SUSD5: variants seen among roughly 807,000 people sequenced by gnomAD.
SUSD5 encodes sushi domain-containing protein 5.
In SUSD5, 33 loss-of-function variants were observed where a neutral mutation model predicts 29.5. The ratio of observed to expected loss-of-function variants is 1.12; its 90% CI spans 0.85 to 1.49. The LOEUF (loss-of-function observed/expected upper bound fraction) is 1.49, where lower values mean the gene tolerates loss of function less well. Ranked by LOEUF, SUSD5 falls within the 40% of genes most tolerant of loss-of-function variation. The probability of loss-of-function intolerance (pLI) is 0.00; values close to 1 mark genes in which losing one functional copy is unlikely to be tolerated. For missense variants in SUSD5, 776 were observed against 800.6 expected (o/e 0.97, Z 0.37); for synonymous variants, 308 against 325.3 (o/e 0.95, Z 0.57).
At chr3:33,155,523 G>T (rs374811440) in intron 4 of SUSD5, among the ~76,000 whole-genome samples, 2 of 152,280 alleles carry the variant, frequency 1.3e-5, no homozygotes, top group East Asian at 3.9e-4. Flanking sequence ...TGAACATATG[G>T]ATGCTCCATG....
Position 33,167,981 on chromosome 3 carries a change from G to A in SUSD5, c.598+6905C>T, listed in dbSNP as rs577448844. On this transcript the variant is annotated intron_variant, in intron 4 of 4. Transcript: ENST00000309558. This position sits in a 1 kb window ranked among gnomAD's most constrained non-coding sequence, Gnocchi z 4.1. ...AAGTCTAGGAAATGTAAGCTTTGTG[G>A]CTTCTCCTGGCAAAATGCAGGTCAT... Among the ~76,000 whole-genome samples, 2 of 152,316 alleles carry A rather than the reference G, an allele frequency of 1.3e-5. No individual in the cohort carries two copies. The highest frequency in any genetic ancestry group is 4.1e-4 in the South Asian group (2 of 4,828).
In SUSD5 at chr3:33,204,632, GT is replaced by G. The variant is rs2032181538; in HGVS notation, c.409+3175del. On this transcript the variant is annotated intron_variant, in intron 3 of 4. Coordinates refer to ENST00000309558, the MANE Select transcript of SUSD5 (RefSeq NM_015551.2). The surrounding 1 kb of genome is among the most constrained non-coding windows in gnomAD (Gnocchi z 4.5). Reference sequence around the variant, plus strand: ...CACCACACCCGGCCTGTTTTATTTTGTTTTGTTTTGTTTTGTTTTGTTTTGT... The same window carrying G: ...CACCACACCCGGCCTGTTTTATTTTGTTTGTTTTGTTTTGTTTTGTTTTGT... Among the ~76,000 whole-genome samples, 1 of 20,758 alleles carries G rather than the reference GT, an allele frequency of 4.8e-5. No individual in the cohort carries two copies. The highest frequency in any genetic ancestry group is 1.2e-4 in the Non-Finnish European group (1 of 8,606). 13.6% of individuals were successfully genotyped at this position (20,758 alleles called of 152,430 possible). A position where few individuals can be genotyped will look rare whatever the true frequency, so the allele number is the denominator to read the frequency against.
At chr3:33,211,793 C>T (rs2032328809) in intron 2 of SUSD5, among the ~76,000 whole-genome samples, 1 of 152,182 alleles carries the variant, frequency 6.6e-6, no homozygotes, top group Non-Finnish European at 1.5e-5. Context: ...TTTTTGAGAT[C>T]TTATTAAAAT....
chr3:33,153,899 G>A lies in SUSD5; in HGVS notation c.733C>T (p.Pro245Ser), dbSNP rs758245609. 13 of 1,613,970 alleles carry A rather than the reference G, an allele frequency of 8.1e-6. No homozygotes were observed. The East Asian group carries it at 2.5e-4, about 30-fold the overall frequency. ...RGQGDSSEEA[P>S]KQDRLVSISV... Reference sequence around the variant, plus strand: ...ATGGAGACCAGACGGTCCTGTTTTGGAGCCTCCTCAGAGGAGTCTCCCTGA... The same window carrying A: ...ATGGAGACCAGACGGTCCTGTTTTGAAGCCTCCTCAGAGGAGTCTCCCTGA... The change falls in exon 5 of 5, where the codon CCA (proline) becomes TCA (serine). Residue 245 changes from proline to serine, a missense_variant. By Grantham distance (74) the Pro-to-Ser change is moderately conservative (BLOSUM62 -1). Coordinates refer to ENST00000309558, the MANE Select transcript of SUSD5 (RefSeq NM_015551.2).
At chr3:33,184,659 A>G (rs947445834) in intron 3 of SUSD5, among the ~76,000 whole-genome samples, 2 of 151,866 alleles carry the variant, frequency 1.3e-5, no homozygotes, top group African/African-American at 4.8e-5. Flanking sequence ...TTCTATTGCC[A>G]TATCTTCAAC....
intron 1 of SUSD5, among the ~76,000 whole-genome samples, chr3:33,216,759 T>A (rs1191683510): frequency 6.6e-6 from 1 of 152,136 alleles, no homozygotes; most frequent in Non-Finnish European, 1.5e-5. Flanking sequence ...TTCTTCTTCC[T>A]CCCGTCACCA....
intron 4 of SUSD5, among the ~76,000 whole-genome samples, chr3:33,172,681 T>C (rs1357024993): frequency 6.6e-6 from 1 of 152,280 alleles, no homozygotes; most frequent in Non-Finnish European, 1.5e-5. Context: ...TTTCAGCACT[T>C]GTCCCAGTCT....
chr3:33,218,789 G>A lies in SUSD5; in HGVS notation c.9C>T (p.Ala3=), dbSNP rs767037824. 1.4e-6 allele frequency: 2 copies of A among 1,445,116 alleles called. No homozygotes were observed. The highest frequency in any genetic ancestry group is 1.8e-6 in the Non-Finnish European group (2 of 1,105,088). The allele number at this position is 1,445,116 out of a possible 1,614,324, so 89.5% of individuals were successfully genotyped here. A position where few individuals can be genotyped will look rare whatever the true frequency, so the allele number is the denominator to read the frequency against. Residue 3 remains alanine, a synonymous_variant, in exon 1 of 5, where the codon GCC becomes GCT. Coordinates refer to ENST00000309558, the MANE Select transcript of SUSD5 (RefSeq NM_015551.2). The stretch of plus-strand genomic sequence containing the variant: ...AACGGGCAGGCGGGCTGGGTCCCTC[G>A]GCAGTCATGGTCCGGGAGTGCGCGG... MT[A]EGPSPPARWH... is the part of the protein sequence containing the mutation.
Position 33,218,722 on chromosome 3 carries a change from G to T in SUSD5, c.76C>A (p.Leu26Met). ...ACCGAAAGGCGCGGCAGACCGAGCA[G>T]GAGCAGCGCCGCCGCCCAGAGCCCG... ...LPGLWAAALL[L>M]LGLPRLSVRA... The change falls in exon 1 of 5, where the codon CTG (leucine) becomes ATG (methionine). Residue 26 changes from leucine (L) to methionine (M), a missense_variant. Coordinates refer to ENST00000309558, the MANE Select transcript of SUSD5 (RefSeq NM_015551.2). 4.5e-6 allele frequency: 6 copies of T among 1,343,616 alleles called. No homozygotes were observed. Among genetic ancestry groups the T allele is most frequent in the Non-Finnish European group, 4.8e-6 (5 of 1,052,066 alleles). The allele number at this position is 1,343,616 out of a possible 1,614,324, so 83.2% of individuals were successfully genotyped here.
intron 3 of SUSD5, among the ~76,000 whole-genome samples, chr3:33,193,098 G>A (rs1205672378): frequency 6.6e-6 from 1 of 152,118 alleles, no homozygotes; most frequent in African/African-American, 2.4e-5. Flanking sequence ...GCAAGCAATG[G>A]GGGAGTTGCA....
At chr3:33,165,680 A>T (rs1481766913) in intron 4 of SUSD5, among the ~76,000 whole-genome samples, 1 of 152,246 alleles carries the variant, frequency 6.6e-6, no homozygotes, top group Non-Finnish European at 1.5e-5. Flanking sequence ...GGCTTGCCTA[A>T]AATTTCACCT....
At chr3:33,192,204 G>T (rs2031906847) in intron 3 of SUSD5, among the ~76,000 whole-genome samples, 1 of 150,916 alleles carries the variant, frequency 6.6e-6, no homozygotes, top group South Asian at 2.1e-4. Flanking sequence ...CTTCCAAGTA[G>T]CTGGGACTAC....
intron 3 of SUSD5, among the ~76,000 whole-genome samples, chr3:33,181,243 T>C (rs2031667188): frequency 6.6e-6 from 1 of 152,120 alleles, no homozygotes; most frequent in Non-Finnish European, 1.5e-5. Context: ...TACAGTAACG[T>C]CCTAGGCCTT....
Position 33,204,197 on chromosome 3 carries a change from G to GTA in SUSD5, c.409+3609_409+3610dup, listed in dbSNP as rs1456758634. Among the ~76,000 whole-genome samples the GTA allele has an allele frequency of 2.0e-5, 3 of 152,060 alleles. No homozygotes were observed. The highest frequency in any genetic ancestry group is 1.3e-4 in the Admixed American group (2 of 15,256). On this transcript the variant is annotated intron_variant, in intron 3 of 4. Transcript: ENST00000309558. This position sits in a 1 kb window ranked among gnomAD's most constrained non-coding sequence, Gnocchi z 4.5. ...TACACATATATACATATTTACATAT[G>GTA]TATATATATGTATCTTGCTATGTTG...
At position 33,179,068 on chromosome 3, in the gene SUSD5, G is replaced by A. The variant is rs1449509637; in HGVS notation, c.410-3994C>T. Among the ~76,000 whole-genome samples, 3 of 152,130 alleles carry A rather than the reference G, an allele frequency of 2.0e-5. No individual in the cohort carries two copies. The East Asian group carries it at 5.8e-4, about 29-fold the overall frequency. ...CCACTAGTGAACGCTCTGGGCTTGT[G>A]CTTTCTTTGGAAGGTAATTAGTTAT... On this transcript the variant is annotated intron_variant, in intron 3 of 4. Coordinates refer to ENST00000309558, the MANE Select transcript of SUSD5 (RefSeq NM_015551.2).
At chr3:33,181,530 G>C (rs565136625) in intron 3 of SUSD5, among the ~76,000 whole-genome samples, 87 of 151,788 alleles carry the variant, frequency 5.7e-4, no homozygotes, top group Non-Finnish European at 1.0e-3. Context: ...GTGCCACCCT[G>C]CCTAGATATT....
intron 4 of SUSD5, among the ~76,000 whole-genome samples, 163 bp from the exon 5 acceptor site, chr3:33,154,196 T>C (rs1386187305): frequency 6.6e-6 from 1 of 152,192 alleles, no homozygotes; most frequent in Non-Finnish European, 1.5e-5. Flanking sequence ...CCAAATAATC[T>C]ACATATGAAT....
intron 3 of SUSD5, among the ~76,000 whole-genome samples, chr3:33,182,291 C>T (rs1195968941): frequency 6.6e-6 from 1 of 152,192 alleles, no homozygotes; most frequent in Non-Finnish European, 1.5e-5. Flanking sequence ...TGAGAGCAGA[C>T]ATCATATTCC....
intron 4 of SUSD5, among the ~76,000 whole-genome samples, chr3:33,161,079 G>GA (rs2031178565): frequency 6.6e-6 from 1 of 152,184 alleles, no homozygotes; most frequent in Non-Finnish European, 1.5e-5. Flanking sequence ...CTTACTCTAT[G>GA]AAAATGTCAT....
Sources: allele counts gnomAD v4.1 joint callset (sites outside exome capture counted in the v4.1 genomes callset), GRCh38; gene constraint gnomAD v4.1.1; non-coding constraint Gnocchi (gnomAD v3.1); transcripts MANE v1.5; gene names NCBI Gene and HGNC (gene_info 2026-07-23, HGNC 2026-07-21).